Variants in SPATA31D1 observed in about 807,000 individuals in gnomAD.
SPATA31D1 encodes SPATA31 subfamily D member 1, also known as spermatogenesis-associated protein 31D1.
A neutral mutation model predicts 13.2 loss-of-function variants in SPATA31D1; 6 were observed. The ratio of observed to expected loss-of-function variants is 0.46; its 90% CI spans 0.25 to 0.90. The LOEUF is 0.90. Ranked by LOEUF, SPATA31D1 falls within the 40% of genes least tolerant of loss-of-function variation. The pLI is 0.18. For synonymous variants in SPATA31D1, 903 were observed against 718.8 expected (o/e 1.26, Z -4.10); for missense variants, 2,445 against 1,884.7 (o/e 1.30, Z -5.50).
chr9:81,994,162 A>C lies in SPATA31D1; in HGVS notation c.3692A>C (p.Asn1231Thr), dbSNP rs747640175. The change falls in exon 4 of 4, where the codon AAC (asparagine) becomes ACC (threonine). Residue 1231 changes from asparagine (N) to threonine (T), a missense_variant. Transcript: ENST00000344803. ...ACTGACATGTCTTTTGCCTTAGATAACTTGAGTTCCAAGGACTTACTGACT... is the reference window on the plus strand; with the variant it reads ...ACTGACATGTCTTTTGCCTTAGATACCTTGAGTTCCAAGGACTTACTGACT... ...HFTDMSFALD[N>T]LSSKDLLTNS... 1.2e-6 allele frequency: 2 copies of C among 1,613,898 alleles called. No homozygotes were observed. The highest frequency in any genetic ancestry group is 1.7e-6 in the Non-Finnish European group (2 of 1,179,884).
In SPATA31D1 at chr9:81,988,924, G is replaced by T. The variant is rs747265799; in HGVS notation, c.106G>T (p.Gly36Trp). ...CAACTTCATCTGCTTGAGTGGGTTGGGGTTGTTTATACTGTACTTGTTCTA... is the reference window on the plus strand; with the variant it reads ...CAACTTCATCTGCTTGAGTGGGTTGTGGTTGTTTATACTGTACTTGTTCTA... ...DPNFICLSGL[G>W]LFILYLFYVV... is the part of the protein sequence containing the mutation. Residue 36 changes from glycine to tryptophan, a missense_variant, in exon 1 of 4, where the codon GGG (glycine) becomes TGG (tryptophan). By Grantham distance (184) the Gly-to-Trp change is radical. Coordinates refer to ENST00000344803, the MANE Select transcript of SPATA31D1 (RefSeq NM_001001670.3). 2 of 1,612,502 alleles carry T rather than the reference G, an allele frequency of 1.2e-6. No homozygotes were observed. Among genetic ancestry groups the T allele is most frequent in the Non-Finnish European group, 1.7e-6 (2 of 1,179,700 alleles).
chr9:81,990,015 C>T (rs1311637019), intron 2 of SPATA31D1, 192 bp downstream of exon 2: 28 of 626,386 alleles, frequency 4.5e-5, no homozygotes, highest in South Asian at 8.6e-5. Context: ...TGCCCATTTA[C>T]GGGCAGGACA....
In SPATA31D1 at chr9:81,994,100, G is replaced by T. The variant is rs773037950; in HGVS notation, c.3630G>T (p.Leu1210Phe). The change falls in exon 4 of 4, where the codon TTG (leucine) becomes TTT (phenylalanine). Residue 1210 changes from leucine (L) to phenylalanine (F), a missense_variant. Transcript: ENST00000344803. ...LKNQMLSQLKLVQRKHSQPQS... is the reference protein window; with the variant it reads ...LKNQMLSQLKFVQRKHSQPQS... Reference sequence around the variant, plus strand: ...ATCAGATGTTGAGCCAGTTAAAGTTGGTCCAGAGGAAGCATAGCCAACCTC... The same window carrying T: ...ATCAGATGTTGAGCCAGTTAAAGTTTGTCCAGAGGAAGCATAGCCAACCTC... 3 of 1,613,806 alleles carry T rather than the reference G, an allele frequency of 1.9e-6. No homozygotes were observed. The South Asian group carries it at 3.3e-5, about 18-fold the overall frequency.
Position 81,992,130 on chromosome 9 carries a change from T to C in SPATA31D1, c.1660T>C (p.Ser554Pro). ...AGTACTTCCCCCTCCCCAACCTCTG[T>C]CCTTGCCTAGTACCCAACCACTACC... Reference protein sequence around the residue: ...SPVLPPPQPLSLPSTQPLPLP... With the variant: ...SPVLPPPQPLPLPSTQPLPLP... The change falls in exon 4 of 4, where the codon TCC becomes CCC. Residue 554 changes from serine to proline, a missense_variant. By Grantham distance (74) the Ser-to-Pro change is moderately conservative (BLOSUM62 -1). Transcript: ENST00000344803. 1 of 1,613,682 alleles carries C rather than the reference T, an allele frequency of 6.2e-7. No homozygotes were observed. Among genetic ancestry groups the C allele is most frequent in the South Asian group, 1.1e-5 (1 of 91,064 alleles).
rs375859502 is a variant in SPATA31D1, at chr9:81,993,746, G to A, written c.3276G>A (p.Pro1092=). Reference sequence around the variant, plus strand: ...ATGGCAGACAGACTTTTCTGCCCCCGCCACACAGCATCGTAGACGAAGTCA... The same window carrying A: ...ATGGCAGACAGACTTTTCTGCCCCCACCACACAGCATCGTAGACGAAGTCA... ...TEDGRQTFLP[P]PHSIVDEVSQ... Residue 1092 remains proline (P), a synonymous_variant, in exon 4 of 4, where the codon CCG becomes CCA. Transcript: ENST00000344803. The A allele has an allele frequency of 1.1e-5, 17 of 1,613,814 alleles. No individual in the cohort carries two copies. The highest frequency in any genetic ancestry group is 9.3e-5 in the African/African-American group (7 of 74,904).
In SPATA31D1 at chr9:81,995,077, G is replaced by C. The variant is rs2133445536; in HGVS notation, c.4607G>C (p.Ser1536Thr). 1 of 1,612,892 alleles carries C rather than the reference G, an allele frequency of 6.2e-7. No homozygotes were observed. Among genetic ancestry groups the C allele is most frequent in the East Asian group, 2.2e-5 (1 of 44,836 alleles). The change falls in exon 4 of 4, where the codon AGC (serine) becomes ACC (threonine). Residue 1536 changes from serine (S) to threonine (T), a missense_variant. Transcript: ENST00000344803. ...HPNPTCRRQV[S>T]LVCPAVPTSA... Reference sequence around the variant, plus strand: ...AACCCCACTTGCCGGCGTCAGGTCAGCCTGGTGTGTCCAGCCGTCCCAACC... The same window carrying C: ...AACCCCACTTGCCGGCGTCAGGTCACCCTGGTGTGTCCAGCCGTCCCAACC...
At position 81,993,069 on chromosome 9, in the gene SPATA31D1, T is replaced by C. The variant is rs1465720704; in HGVS notation, c.2599T>C (p.Ser867Pro). ...GCAGACAATGTCTCTTCCTGAGAAATCCCACAGCCAAATTAAACATCGAAA... is the reference window on the plus strand; with the variant it reads ...GCAGACAATGTCTCTTCCTGAGAAACCCCACAGCCAAATTAAACATCGAAA... Reference protein sequence around the residue: ...VKQTMSLPEKSHSQIKHRNLV... With the variant: ...VKQTMSLPEKPHSQIKHRNLV... The change falls in exon 4 of 4, where the codon TCC (serine) becomes CCC (proline). Residue 867 changes from serine to proline, a missense_variant. Ser to Pro is a moderately conservative substitution (Grantham distance 74, BLOSUM62 -1). Transcript: ENST00000344803. 2 of 1,613,780 alleles carry C rather than the reference T, an allele frequency of 1.2e-6. No individual in the cohort carries two copies. Among genetic ancestry groups the C allele is most frequent in the South Asian group, 2.2e-5 (2 of 91,072 alleles).
rs1474673144 is a variant in SPATA31D1 at position 81,992,442 on chromosome 9, G to A, written c.1972G>A (p.Glu658Lys). The change falls in exon 4 of 4, where the codon GAA (glutamate) becomes AAA (lysine). Residue 658 changes from glutamate to lysine, a missense_variant. Coordinates refer to ENST00000344803, the MANE Select transcript of SPATA31D1 (RefSeq NM_001001670.3). Reference sequence around the variant, plus strand: ...CTTTTGTCCTCCAGCTCCCAATCCTGAATTGGTCAGAAAGTCCTTCAAGGT... The same window carrying A: ...CTTTTGTCCTCCAGCTCCCAATCCTAAATTGGTCAGAAAGTCCTTCAAGGT... ...EDFCPPAPNP[E>K]LVRKSFKVHV... 2 of 1,612,584 alleles carry A rather than the reference G, an allele frequency of 1.2e-6. No individual in the cohort carries two copies. Among genetic ancestry groups the A allele is most frequent in the Non-Finnish European group, 1.7e-6 (2 of 1,179,738 alleles).
intron 1 of SPATA31D1, 60 bp from the exon 2 acceptor site, chr9:81,989,718 G>A (rs369745195): frequency 5.9e-5 from 90 of 1,515,102 alleles, no homozygotes; most frequent in Middle Eastern, 1.8e-4. Flanking sequence ...GAATGAATGA[G>A]CTTCATAGAG....
rs1336532594 is a variant in SPATA31D1 at position 81,990,450 on chromosome 9, A to T, written c.266A>T (p.Glu89Val). The change falls in exon 3 of 4, where the codon GAG becomes GTG. Residue 89 changes from glutamate to valine, a missense_variant. Physicochemically the swap from Glu to Val is moderately radical, Grantham distance 121 (BLOSUM62 -2). Coordinates refer to ENST00000344803, the MANE Select transcript of SPATA31D1 (RefSeq NM_001001670.3). ...FPDWKSFQRE[E>V]EEERKLLSLL... is the part of the protein sequence containing the mutation. ...GACTGGAAAAGTTTCCAGAGAGAAG[A>T]GGAAGAGGAAAGGAAGCTGCTTTCT... 1 of 1,609,102 alleles carries T rather than the reference A, an allele frequency of 6.2e-7. No homozygotes were observed. Among genetic ancestry groups the T allele is most frequent in the Non-Finnish European group, 8.5e-7 (1 of 1,177,576 alleles).
rs747724740 is a variant in SPATA31D1, at chr9:81,990,445, A to G, written c.261A>G (p.Arg87=). Residue 87 remains arginine, a synonymous_variant, in exon 3 of 4, where the codon AGA becomes AGG. Transcript: ENST00000344803. ...KGFPDWKSFQ[R]EEEEERKLLS... ...TCCCAGACTGGAAAAGTTTCCAGAGAGAAGAGGAAGAGGAAAGGAAGCTGC... is the reference window on the plus strand; with the variant it reads ...TCCCAGACTGGAAAAGTTTCCAGAGGGAAGAGGAAGAGGAAAGGAAGCTGC... 3 of 1,608,926 alleles carry G rather than the reference A, an allele frequency of 1.9e-6. No individual in the cohort carries two copies. In the South Asian group the frequency reaches 3.3e-5, roughly 18 times the overall value.
In SPATA31D1 at chr9:81,993,317, C is replaced by T; in HGVS notation, c.2847C>T (p.Thr949=). 1 of 1,613,980 alleles carries T rather than the reference C, an allele frequency of 6.2e-7. No individual in the cohort carries two copies. Among genetic ancestry groups the T allele is most frequent in the Non-Finnish European group, 8.5e-7 (1 of 1,179,894 alleles). ...FSHFDLPSSA[T]FISQGDSKDG... is the part of the protein sequence containing the mutation. Reference sequence around the variant, plus strand: ...ATTTCGACCTTCCCTCCTCAGCCACCTTCATCTCTCAGGGAGATTCCAAAG... The same window carrying T: ...ATTTCGACCTTCCCTCCTCAGCCACTTTCATCTCTCAGGGAGATTCCAAAG... Residue 949 remains threonine (T), a synonymous_variant, in exon 4 of 4, where the codon ACC becomes ACT. Transcript: ENST00000344803.
rs552754966 is a variant in SPATA31D1, at chr9:81,993,874, A to G, written c.3404A>G (p.His1135Arg). 3.1e-6 allele frequency: 5 copies of G among 1,614,036 alleles called. No homozygotes were observed. In the African/African-American group the frequency reaches 5.3e-5, roughly 17 times the overall value. The change falls in exon 4 of 4, where the codon CAT becomes CGT. Residue 1135 changes from histidine to arginine, a missense_variant. By Grantham distance (29) the His-to-Arg change is conservative. Transcript: ENST00000344803. ...TGGGATAAGAGAAAGAGTTCCTTTC[A>G]TAATGTAGACAGGCTTCAGGGCAGT... ...ESWDKRKSSF[H>R]NVDRLQGSRK...
chr9:81,988,581 G>A (rs533965471), upstream of SPATA31D1, among the ~76,000 whole-genome samples: 1 of 152,248 alleles, frequency 6.6e-6, no homozygotes, highest in East Asian at 1.9e-4. Context: ...TATATGACAT[G>A]AAAAGGGATG....
At chr9:81,988,263 T>TA (rs1824888432), upstream of SPATA31D1, among the ~76,000 whole-genome samples, 1 of 152,214 alleles carries the variant, frequency 6.6e-6, no homozygotes, top group Non-Finnish European at 1.5e-5. Context: ...TTGGAAATAG[T>TA]AAAAACTGAC....
In SPATA31D1 at chr9:81,991,307, C is replaced by G; in HGVS notation, c.837C>G (p.Cys279Trp). ...NTIFSFGSTL[C>W]QDISQAMNPI... The stretch of plus-strand genomic sequence containing the variant: ...TCTTTTCATTTGGCTCCACCCTATG[C>G]CAAGATATTTCGCAGGCCATGAATC... Residue 279 changes from cysteine to tryptophan, a missense_variant, in exon 4 of 4, where the codon TGC becomes TGG. Physicochemically the swap from Cys to Trp is radical, Grantham distance 215. Coordinates refer to ENST00000344803, the MANE Select transcript of SPATA31D1 (RefSeq NM_001001670.3). 1 of 1,614,038 alleles carries G rather than the reference C, an allele frequency of 6.2e-7. No individual in the cohort carries two copies. The highest frequency in any genetic ancestry group is 8.5e-7 in the Non-Finnish European group (1 of 1,179,894).
At position 81,991,668 on chromosome 9, in the gene SPATA31D1, G is replaced by A. The variant is rs764307412; in HGVS notation, c.1198G>A (p.Glu400Lys). The change falls in exon 4 of 4, where the codon GAG becomes AAG. Residue 400 changes from glutamate (E) to lysine (K), a missense_variant. Transcript: ENST00000344803. ...GGGGCACTCTGTGGCCAACCTCATA[G>A]AGCCTGTTAACATCTCATTTCTCAG... is the stretch of plus-strand genomic sequence containing the variant. ...LGGHSVANLI[E>K]PVNISFLSHD... 3.1e-6 allele frequency: 5 copies of A among 1,613,916 alleles called. No homozygotes were observed. The highest frequency in any genetic ancestry group is 4.2e-6 in the Non-Finnish European group (5 of 1,179,894).
At position 81,991,540 on chromosome 9, in the gene SPATA31D1, C is replaced by T. The variant is rs1282680748; in HGVS notation, c.1070C>T (p.Thr357Ile). 12 of 1,613,898 alleles carry T rather than the reference C, an allele frequency of 7.4e-6. No individual in the cohort carries two copies. The highest frequency in any genetic ancestry group is 1.3e-5 in the African/African-American group (1 of 74,914). The part of the protein sequence containing the change: ...DHSHLASSEF[T>I]WWQPHAKDSF... ...TCACACCTTGCATCTTCAGAATTCACCTGGTGGCAGCCTCATGCCAAGGAC... is the reference window on the plus strand; with the variant it reads ...TCACACCTTGCATCTTCAGAATTCATCTGGTGGCAGCCTCATGCCAAGGAC... Residue 357 changes from threonine to isoleucine, a missense_variant, in exon 4 of 4, where the codon ACC (threonine) becomes ATC (isoleucine). By Grantham distance (89) the Thr-to-Ile change is moderately conservative (BLOSUM62 -1). Transcript: ENST00000344803.
rs779704681 is a variant in SPATA31D1, at chr9:81,992,006, C to G, written c.1536C>G (p.Ser512Arg). The G allele has an allele frequency of 5.6e-6, 9 of 1,613,662 alleles. No homozygotes were observed. Among genetic ancestry groups the G allele is most frequent in the Non-Finnish European group, 6.8e-6 (8 of 1,179,720 alleles). ...QLFWGLPSLHSESLHPTVLVQ... is the reference protein window; with the variant it reads ...QLFWGLPSLHRESLHPTVLVQ... The stretch of plus-strand genomic sequence containing the variant: ...TCTGGGGTCTCCCATCTTTGCACAG[C>G]GAGTCTCTGCATCCTACTGTTCTTG... Residue 512 changes from serine to arginine, a missense_variant, in exon 4 of 4, where the codon AGC becomes AGG. Coordinates refer to ENST00000344803, the MANE Select transcript of SPATA31D1 (RefSeq NM_001001670.3).
Sources: gnomAD v4.1 joint callset for allele counts (sites outside exome capture counted in the v4.1 genomes callset) on GRCh38, gnomAD v4.1.1 for gene constraint, MANE v1.5 for transcripts, NCBI Gene and HGNC (gene_info 2026-07-23, HGNC 2026-07-21) for gene names.